AGBL1: variants seen among roughly 807,000 people sequenced by gnomAD.
The protein encoded by AGBL1 is AGBL carboxypeptidase 1, also known as cytosolic carboxypeptidase 4.
A neutral mutation model predicts 118.9 loss-of-function variants in AGBL1; 130 were observed. The observed-to-expected ratio is 1.09, with a 90% CI of 0.95 to 1.26. The LOEUF is 1.26. Among genes scored for constraint, AGBL1 ranks in the 50% most tolerant of loss-of-function variants. The pLI is 0.00. For missense variants in AGBL1, 1,584 were observed against 1,298.1 expected, an observed-to-expected ratio of 1.22 and a Z score of -3.38; for synonymous variants, 555 against 478.9, an observed-to-expected ratio of 1.16 and a Z score of -2.08.
downstream of AGBL1, among the ~76,000 whole-genome samples, chr15:86,919,866 G>A (rs2080467593): frequency 6.6e-6 from 1 of 152,140 alleles, no homozygotes; most frequent in Admixed American, 6.5e-5. Context: ...AGTCCCAGTG[G>A]GGCTGAAATG....
chr15:86,124,329 CAA>C (rs71144030), intron 1 of AGBL1, among the ~76,000 whole-genome samples: 7,974 of 93,136 alleles, frequency 0.086, 243 homozygotes, highest in African/African-American at 0.18. Context: ...GACTCTGTCT[CAA>C]AAAAAAAAAA....
chr15:86,287,904 T>G (rs1300209002), intron 16 of AGBL1, among the ~76,000 whole-genome samples: 1 of 152,224 alleles, frequency 6.6e-6, no homozygotes, highest in African/African-American at 2.4e-5. Context: ...GTTTTTCTTC[T>G]AACAGTTCAC....
In AGBL1 at chr15:86,271,560, A is replaced by T. The variant is rs549568590; in HGVS notation, c.1988-59A>T. The T allele has an allele frequency of 1.7e-4, 233 of 1,337,976 alleles. 1 individual carries two copies. The highest frequency in any genetic ancestry group is 2.4e-4 in the Non-Finnish European group (223 of 929,040). The allele number at this position is 1,337,976 out of a possible 1,614,324, so 82.9% of individuals were successfully genotyped here. ...GACCTATGTGTATGTGGGGGTCATT[A>T]TTTGGCCCAGAACAACTCTCTTTCC... is the stretch of plus-strand genomic sequence containing the variant. On this transcript the variant is annotated intron_variant, in intron 14 of 22. Transcript: ENST00000614907.
At chr15:86,951,062 C>G (rs2080876307) in intron 23 of AGBL1, among the ~76,000 whole-genome samples, 1 of 152,080 alleles carries the variant, frequency 6.6e-6, no homozygotes, top group Non-Finnish European at 1.5e-5. Flanking sequence ...AATTTTGTGT[C>G]CGAGCACCTA....
chr15:86,449,925 C>G (rs1295008642), intron 18 of AGBL1, among the ~76,000 whole-genome samples: 1 of 144,922 alleles, frequency 6.9e-6, no homozygotes, highest in Middle Eastern at 3.4e-3. Flanking sequence ...AATAAAACCC[C>G]TTTCTCTTTT....
intron 23 of AGBL1, among the ~76,000 whole-genome samples, chr15:86,964,651 TA>T (rs2081031258): frequency 1.3e-5 from 2 of 150,760 alleles, no homozygotes; most frequent in African/African-American, 4.9e-5. Flanking sequence ...TTTTTTTTTT[TA>T]AATACTTTAA....
chr15:86,789,512 T>A (rs2078462051), intron 22 of AGBL1, among the ~76,000 whole-genome samples: 1 of 152,174 alleles, frequency 6.6e-6, no homozygotes. Flanking sequence ...ACAAATGGAC[T>A]TGATTCCACC....
chr15:86,476,842 C>T (rs1462091112), intron 18 of AGBL1, among the ~76,000 whole-genome samples: 2 of 152,204 alleles, frequency 1.3e-5, no homozygotes, highest in African/African-American at 4.8e-5. Context: ...TAAAGCACTC[C>T]TCAGCAAAAG....
intron 23 of AGBL1, among the ~76,000 whole-genome samples, chr15:86,923,311 A>G (rs1315272563): frequency 6.6e-6 from 1 of 152,150 alleles, no homozygotes; most frequent in Non-Finnish European, 1.5e-5. Flanking sequence ...AAGCCTCTAC[A>G]ATTTAGCTCA....
chr15:86,237,066 T>C (rs2078563729), intron 6 of AGBL1, among the ~76,000 whole-genome samples: 1 of 151,648 alleles, frequency 6.6e-6, no homozygotes, highest in South Asian at 2.1e-4. Context: ...ATATCAAAGC[T>C]GGCCAGCCCA....
intron 22 of AGBL1, among the ~76,000 whole-genome samples, chr15:86,757,135 A>G (rs930331949): frequency 1.3e-5 from 2 of 152,098 alleles, no homozygotes; most frequent in Non-Finnish European, 2.9e-5. Flanking sequence ...GAATGTCTAG[A>G]CAAGTTTATT....
chr15:86,691,689 A>G (rs908025678), intron 22 of AGBL1, among the ~76,000 whole-genome samples: 33 of 152,170 alleles, frequency 2.2e-4, no homozygotes, highest in African/African-American at 7.7e-4. Flanking sequence ...AAGGTCAATA[A>G]TGATAAAGTT....
intron 20 of AGBL1, among the ~76,000 whole-genome samples, chr15:86,550,805 T>C (rs1011245402): frequency 6.6e-6 from 1 of 151,962 alleles, no homozygotes; most frequent in African/African-American, 2.4e-5. Context: ...CACATCAAAA[T>C]TTCTCCAGCA....
intron 18 of AGBL1, among the ~76,000 whole-genome samples, chr15:86,489,703 T>C (rs2055322205): frequency 6.6e-6 from 1 of 152,110 alleles, no homozygotes; most frequent in East Asian, 1.9e-4. Context: ...CGGAGCTAAC[T>C]AGTTGTGAGA....
At chr15:86,167,672 G>T (rs1017581613) in intron 5 of AGBL1, among the ~76,000 whole-genome samples, 1 of 152,236 alleles carries the variant, frequency 6.6e-6, no homozygotes, top group South Asian at 2.1e-4. Context: ...TTGTGAGAGG[G>T]TGCAGTGTCT....
chr15:86,262,185 A>G (rs767085728), intron 9 of AGBL1, among the ~76,000 whole-genome samples: 65 of 147,426 alleles, frequency 4.4e-4, no homozygotes, highest in Non-Finnish European at 7.9e-4. Flanking sequence ...AGTCTTAGTA[A>G]CATCATTCTC....
At chr15:86,255,562 A>G (rs2078881636) in intron 7 of AGBL1, among the ~76,000 whole-genome samples, 1 of 152,188 alleles carries the variant, frequency 6.6e-6, no homozygotes, top group Admixed American at 6.5e-5. Flanking sequence ...TGGGTATTTT[A>G]TCCTGAGGTC....
intron 19 of AGBL1, among the ~76,000 whole-genome samples, chr15:86,525,981 T>C (rs2083257211): frequency 6.6e-6 from 1 of 152,098 alleles, no homozygotes; most frequent in African/African-American, 2.4e-5. Context: ...AAAAGACTAA[T>C]ATCCAAAATC....
chr15:86,440,709 T>C (rs554295790), intron 18 of AGBL1, among the ~76,000 whole-genome samples: 1 of 152,288 alleles, frequency 6.6e-6, no homozygotes, highest in South Asian at 2.1e-4. Flanking sequence ...AGTATGTACC[T>C]ACTGTGCCTT....
Sources: gnomAD v4.1 joint callset for allele counts (sites outside exome capture counted in the v4.1 genomes callset) on GRCh38, gnomAD v4.1.1 for gene constraint, MANE v1.5 for transcripts, NCBI Gene and HGNC (gene_info 2026-07-23, HGNC 2026-07-21) for gene names.